ATP2B4: variants seen among roughly 807,000 people sequenced by gnomAD.
ATP2B4 encodes plasma membrane calcium-transporting ATPase 4.
ATP2B4 carries 39 observed loss-of-function variants against 110.3 expected under a neutral mutation model. The observed-to-expected ratio is 0.35, with a 90% CI of 0.27 to 0.46. The LOEUF is 0.46. Ranked by LOEUF, ATP2B4 falls within the 20% of genes least tolerant of loss-of-function variation. The probability of loss-of-function intolerance (pLI) is 1.00; values close to 1 mark genes in which losing one functional copy is unlikely to be tolerated. For synonymous variants in ATP2B4, 538 were observed against 571.7 expected, an observed-to-expected ratio of 0.94 and a Z score of 0.84; for missense variants, 1,135 against 1,530.9, an observed-to-expected ratio of 0.74 and a Z score of 4.32.
At position 203,741,756 on chromosome 1, in the gene ATP2B4, T is replaced by C. The variant is rs950836574; in HGVS notation, c.*1902T>C. On this transcript the variant is annotated 3_prime_UTR_variant, in exon 21 of 21. Coordinates refer to ENST00000357681, the MANE Select transcript of ATP2B4 (RefSeq NM_001684.5). Reference sequence around the variant, plus strand: ...GTAGGAAATAGGAAAGCAAATTTGATTTTGGTTTTGTAAAACGTACATGCT... The same window carrying C: ...GTAGGAAATAGGAAAGCAAATTTGACTTTGGTTTTGTAAAACGTACATGCT... 1 of 152,312 alleles carries C rather than the reference T, an allele frequency of 6.6e-6. No homozygotes were observed. Among genetic ancestry groups the C allele is most frequent in the Non-Finnish European group, 1.5e-5 (1 of 68,028 alleles). The allele number at this position is 152,312 out of a possible 1,614,324, so 9.4% of individuals were successfully genotyped here.
intron 3 of ATP2B4, 33 bp from the exon 4 acceptor site, chr1:203,699,427 T>G (rs926273426): frequency 6.2e-7 from 1 of 1,611,542 alleles, no homozygotes. Context: ...ACAAAAGCCC[T>G]TCAGTGACTA....
chr1:203,692,594 G>A (rs1482222495), intron 2 of ATP2B4, among the ~76,000 whole-genome samples: 2 of 152,196 alleles, frequency 1.3e-5, no homozygotes, highest in Admixed American at 6.5e-5. Context: ...CTATATGAGT[G>A]GGAGAAGATT....
intron 1 of ATP2B4, among the ~76,000 whole-genome samples, chr1:203,651,602 T>TA (rs1377940728): frequency 6.6e-6 from 1 of 152,164 alleles, no homozygotes; most frequent in Non-Finnish European, 1.5e-5. Flanking sequence ...ATGCTTTATC[T>TA]AAAAAATATA....
At position 203,726,841 on chromosome 1, in the gene ATP2B4, C is replaced by T. The variant is rs767101432; in HGVS notation, c.3133-554C>T. Among the ~76,000 whole-genome samples the T allele has an allele frequency of 2.6e-5, 4 of 152,320 alleles. No individual in the cohort carries two copies. In the South Asian group the frequency reaches 8.3e-4, roughly 32 times the overall value. ...ATGGACTGTCCCATCCACTTCCTCA[C>T]CTCAAGCCCAAGAAAACTTTTGGTA... On this transcript the variant is annotated intron_variant, in intron 19 of 20. Transcript: ENST00000357681.
At chr1:203,679,353 C>A (rs1217812029) in intron 1 of ATP2B4, among the ~76,000 whole-genome samples, 1 of 152,136 alleles carries the variant, frequency 6.6e-6, no homozygotes, top group Non-Finnish European at 1.5e-5. Context: ...TTATAGCGAT[C>A]CCACCTTAAA....
intron 19 of ATP2B4, 91 bp downstream of exon 19, chr1:203,724,079 C>G (rs1666431099): frequency 9.5e-7 from 1 of 1,053,964 alleles, no homozygotes; most frequent in South Asian, 1.7e-5. Flanking sequence ...GTGGAGACCC[C>G]CCAGCTCCTC....
chr1:203,644,249 T>TA (rs3066210), intron 1 of ATP2B4, among the ~76,000 whole-genome samples: 1,939 of 109,878 alleles, frequency 0.018, 21 homozygotes, highest in African/African-American at 0.026. Context: ...GACTCCATCT[T>TA]AAAAAAAAAA....
chr1:203,680,262 T>G (rs1004792789), intron 1 of ATP2B4, among the ~76,000 whole-genome samples: 3 of 152,126 alleles, frequency 2.0e-5, no homozygotes, highest in African/African-American at 4.8e-5. Context: ...GAAGGGCACA[T>G]GGAGCTTATT....
Position 203,655,927 on chromosome 1 carries a change from C to T in ATP2B4, c.-464-26815C>T, listed in dbSNP as rs543098005. On this transcript the variant is annotated intron_variant, in intron 1 of 20. Coordinates refer to ENST00000357681, the MANE Select transcript of ATP2B4 (RefSeq NM_001684.5). ...GTTTTGTTTTGTTTTGTTTCTGAGA[C>T]GGAGTCTTGCTCTGTTGCCCAGGCT... Among the ~76,000 whole-genome samples the T allele has an allele frequency of 1.3e-3, 195 of 152,010 alleles. 1 individual carries two copies. Among genetic ancestry groups the T allele is most frequent in the Non-Finnish European group, 2.5e-3 (168 of 67,996 alleles).
chr1:203,692,735 C>T (rs781738828), intron 2 of ATP2B4, among the ~76,000 whole-genome samples: 3 of 152,212 alleles, frequency 2.0e-5, no homozygotes, highest in African/African-American at 7.2e-5. Flanking sequence ...GTCGTTGGCC[C>T]TTCCCTGCTG....
chr1:203,695,155 C>G (rs1665495959), intron 2 of ATP2B4, among the ~76,000 whole-genome samples: 1 of 152,182 alleles, frequency 6.6e-6, no homozygotes, highest in Admixed American at 6.5e-5. Flanking sequence ...GGCATCTACT[C>G]CCTTTACATT....
At chr1:203,691,775 G>A (rs1170562702) in intron 2 of ATP2B4, among the ~76,000 whole-genome samples, 1 of 152,172 alleles carries the variant, frequency 6.6e-6, no homozygotes, top group African/African-American at 2.4e-5. Flanking sequence ...AGTAGCATTC[G>A]GTTATTAGCC....
chr1:203,732,012 A>T (rs867346777), intron 20 of ATP2B4, among the ~76,000 whole-genome samples: 4 of 151,614 alleles, frequency 2.6e-5, no homozygotes, highest in Admixed American at 6.6e-5. Context: ...CCCTGTCACT[A>T]CTTAAAATAT....
At position 203,710,965 on chromosome 1, in the gene ATP2B4, A is replaced by G. The variant is rs778690170; in HGVS notation, c.1888A>G (p.Met630Val). The part of the protein sequence containing the change: ...DDMVRTVIEP[M>V]ACDGLRTICI... Reference sequence around the variant, plus strand: ...TATGGTACGCACTGTCATCGAGCCCATGGCCTGTGATGGACTCCGGACTAT... The same window carrying G: ...TATGGTACGCACTGTCATCGAGCCCGTGGCCTGTGATGGACTCCGGACTAT... Residue 630 changes from methionine to valine, a missense_variant, in exon 12 of 21, where the codon ATG (methionine) becomes GTG (valine). By Grantham distance (21) the Met-to-Val change is conservative. This residue lies in a region of ATP2B4 where 368 missense variants were observed against 455.9 expected (regional missense o/e 0.81). Transcript: ENST00000357681. The G allele has an allele frequency of 1.2e-6, 2 of 1,614,136 alleles. No homozygotes were observed. Among genetic ancestry groups the G allele is most frequent in the South Asian group, 2.2e-5 (2 of 91,076 alleles).
Position 203,742,408 on chromosome 1 carries a change from TA to T in ATP2B4, c.*2556del, listed in dbSNP as rs1307855484. 4 of 152,678 alleles carry T rather than the reference TA, an allele frequency of 2.6e-5. No homozygotes were observed. Among genetic ancestry groups the T allele is most frequent in the Non-Finnish European group, 5.9e-5 (4 of 68,044 alleles). 9.5% of individuals were successfully genotyped at this position (152,678 alleles called of 1,614,324 possible). ...TGTCTATGTGCATATGTTTTTTATA[TA>T]AGTTTTTTCTATTCAGTTTCACTGA... On this transcript the variant is annotated 3_prime_UTR_variant, in exon 21 of 21. Transcript: ENST00000357681.
In ATP2B4 at chr1:203,677,389, C is replaced by T. The variant is rs147343742; in HGVS notation, c.-464-5353C>T. Among the ~76,000 whole-genome samples, 232 of 152,278 alleles carry T rather than the reference C, an allele frequency of 1.5e-3. 4 individuals carry two copies. Among genetic ancestry groups the T allele is most frequent in the Non-Finnish European group, 1.9e-3 (132 of 68,026 alleles). On this transcript the variant is annotated intron_variant, in intron 1 of 20. Coordinates refer to ENST00000357681, the MANE Select transcript of ATP2B4 (RefSeq NM_001684.5). ...TTCCTGAGTATAGGGAGAAGTAGAGCCTCGCTTGGAATGAGGGAGACTGAC... is the reference window on the plus strand; with the variant it reads ...TTCCTGAGTATAGGGAGAAGTAGAGTCTCGCTTGGAATGAGGGAGACTGAC...
chr1:203,724,508 C>A (rs1310706984), intron 19 of ATP2B4, among the ~76,000 whole-genome samples: 1 of 150,998 alleles, frequency 6.6e-6, no homozygotes. Context: ...CAGAGCAAGA[C>A]TCAGTGTCAA....
intron 1 of ATP2B4, among the ~76,000 whole-genome samples, chr1:203,651,223 T>C (rs1393505353): frequency 2.0e-5 from 3 of 152,228 alleles, no homozygotes; most frequent in African/African-American, 4.8e-5. Flanking sequence ...AACCATTTTT[T>C]TTCTTCTCTC....
chr1:203,732,666 T>G (rs748957863), intron 20 of ATP2B4, among the ~76,000 whole-genome samples: 5 of 152,140 alleles, frequency 3.3e-5, no homozygotes, highest in Non-Finnish European at 7.4e-5. Flanking sequence ...GCCTTCAAAT[T>G]CAGTAATACA....
Sources: allele counts gnomAD v4.1 joint callset (sites outside exome capture counted in the v4.1 genomes callset), GRCh38; gene constraint gnomAD v4.1.1; regional missense constraint gnomAD v4.1.1; transcripts MANE v1.5; gene names NCBI Gene and HGNC (gene_info 2026-07-23, HGNC 2026-07-21).